PTPN3: variants seen among roughly 807,000 people sequenced by gnomAD.
PTPN3 encodes protein tyrosine phosphatase non-receptor type 3, also known as tyrosine-protein phosphatase non-receptor type 3.
In PTPN3, 96 loss-of-function variants were observed where a neutral mutation model predicts 132.7. The observed-to-expected ratio is 0.72, with a 90% CI of 0.61 to 0.86. The LOEUF (loss-of-function observed/expected upper bound fraction) is 0.86, where lower values mean the gene tolerates loss of function less well. PTPN3 is among the 40% of genes least tolerant of loss of function. The probability of loss-of-function intolerance (pLI) is 0.00; values close to 1 mark genes in which losing one functional copy is unlikely to be tolerated. For missense variants in PTPN3, 1,125 were observed against 1,159.6 expected (o/e 0.97, Z 0.43); for synonymous variants, 398 against 429.0 (o/e 0.93, Z 0.89).
At chr9:109,416,005 G>A (rs1355063973) in intron 14 of PTPN3, among the ~76,000 whole-genome samples, 7 of 152,212 alleles carry the variant, frequency 4.6e-5, no homozygotes, top group African/African-American at 1.7e-4. Context: ...TGTCCTCCGA[G>A]GGGGACATGT....
At chr9:109,508,162 CTCTTT>C in the PTPN3 span, among the ~76,000 whole-genome samples, 3 of 96,942 alleles carry the variant, frequency 3.1e-5, no homozygotes, top group Admixed American at 1.3e-4. Context: ...GTTTCTCTCT[CTCTTT>C]TTTTTTTTTT....
chr9:109,508,209 G>A, the PTPN3 span, among the ~76,000 whole-genome samples: 16 of 151,142 alleles, frequency 1.1e-4, no homozygotes, highest in Admixed American at 9.9e-4. Flanking sequence ...CACCCAGGCT[G>A]GAGTGCAGCG....
chr9:109,399,650 T>A (rs553040552), intron 19 of PTPN3, among the ~76,000 whole-genome samples: 1 of 150,532 alleles, frequency 6.6e-6, no homozygotes, highest in African/African-American at 2.5e-5. Context: ...ATAAAGGGAA[T>A]TCCCTTTATG....
chr9:109,422,121 A>G (rs1842924301), intron 13 of PTPN3, among the ~76,000 whole-genome samples: 1 of 148,096 alleles, frequency 6.8e-6, no homozygotes, highest in Non-Finnish European at 1.5e-5. Flanking sequence ...TACAGAGGTA[A>G]AGAAACTTGT....
At chr9:109,510,568 AAAAAAAAAATAT>A in the PTPN3 span, among the ~76,000 whole-genome samples, 2,257 of 36,128 alleles carry the variant, frequency 0.062, 124 homozygotes, top group Admixed American at 0.11. Context: ...TAAAAAAAAA[AAAAAAAAAATAT>A]ATATATATAT....
chr9:109,526,198 G>T, the PTPN3 span, among the ~76,000 whole-genome samples: 1 of 152,118 alleles, frequency 6.6e-6, no homozygotes, highest in African/African-American at 2.4e-5. Flanking sequence ...ATAAAGCATT[G>T]CTGAGAGAAA....
At chr9:109,477,997 G>A (rs182087414) in intron 1 of PTPN3, among the ~76,000 whole-genome samples, 41 of 152,328 alleles carry the variant, frequency 2.7e-4, no homozygotes, top group Admixed American at 2.2e-3. Flanking sequence ...ACAAGGGGGC[G>A]GCAACCTGGG....
chr9:109,425,289 G>A (rs1357837696), intron 12 of PTPN3, among the ~76,000 whole-genome samples: 1 of 152,212 alleles, frequency 6.6e-6, no homozygotes, highest in Non-Finnish European at 1.5e-5. Flanking sequence ...TATTAGGAAA[G>A]TAACTGGAAC....
Position 109,428,666 on chromosome 9 carries a change from A to C in PTPN3, c.783T>G (p.Ile261Met), listed in dbSNP as rs1843450382. 6.2e-7 allele frequency: 1 copy of C among 1,613,658 alleles called. No individual in the cohort carries two copies. The highest frequency in any genetic ancestry group is 8.5e-7 in the Non-Finnish European group (1 of 1,179,870). Residue 261 changes from isoleucine (I) to methionine (M), a missense_variant, in exon 11 of 26, where the codon ATT becomes ATG. Physicochemically the swap from Ile to Met is conservative, Grantham distance 10. Coordinates refer to ENST00000374541, the MANE Select transcript of PTPN3 (RefSeq NM_002829.4). ...SFYPWVNILK[I>M]SFKRKKFFIH... ...TGAAGAACTTTTTCCTTTTGAAAGA[A>C]ATTTTGAGAATGTTCACCCTTCAAA...
chr9:109,467,040 C>A (rs1405355386), intron 1 of PTPN3, among the ~76,000 whole-genome samples: 1 of 152,064 alleles, frequency 6.6e-6, no homozygotes, highest in South Asian at 2.1e-4. Context: ...TTCCTGGGAC[C>A]AGCAGTGCAA....
chr9:109,423,977 G>T (rs1352706438), intron 12 of PTPN3, among the ~76,000 whole-genome samples: 1 of 152,150 alleles, frequency 6.6e-6, no homozygotes, highest in African/African-American at 2.4e-5. Flanking sequence ...AAATGCTGTT[G>T]TCACCCTGAT....
chr9:109,490,820 G>A (rs558828429), intron 1 of PTPN3, among the ~76,000 whole-genome samples: 10 of 151,004 alleles, frequency 6.6e-5, no homozygotes, highest in African/African-American at 2.2e-4. Context: ...GGAAACTAAC[G>A]AGACATGACA....
At chr9:109,478,169 G>A (rs1380128348) in intron 1 of PTPN3, among the ~76,000 whole-genome samples, 16 of 152,208 alleles carry the variant, frequency 1.1e-4, no homozygotes, top group Admixed American at 1.0e-3. Flanking sequence ...GAACCTTGGA[G>A]GGGAAGGAGA....
chr9:109,450,633 T>A (rs1845185615), intron 5 of PTPN3: 4 of 985,134 alleles, frequency 4.1e-6, no homozygotes, highest in African/African-American at 1.7e-5. Context: ...AGGAGCCTAG[T>A]TTTGAGATTG....
At chr9:109,530,276 C>T in the PTPN3 span, among the ~76,000 whole-genome samples, 1 of 152,180 alleles carries the variant, frequency 6.6e-6, no homozygotes, top group Non-Finnish European at 1.5e-5. Flanking sequence ...AACCACCATT[C>T]TATCTTCTGT....
At chr9:109,503,345 C>T in the PTPN3 span, among the ~76,000 whole-genome samples, 18 of 152,202 alleles carry the variant, frequency 1.2e-4, no homozygotes, top group African/African-American at 3.9e-4. Context: ...TTCTAAGGCT[C>T]CTGGACTCGA....
At chr9:109,437,139 C>G (rs960922881) in intron 8 of PTPN3, among the ~76,000 whole-genome samples, 169 bp from the exon 9 acceptor site, 1 of 148,984 alleles carries the variant, frequency 6.7e-6, no homozygotes, top group Non-Finnish European at 1.5e-5. Context: ...AGTTTTTATT[C>G]TTATCCATTG....
At chr9:109,490,600 G>C (rs1010221483) in intron 1 of PTPN3, among the ~76,000 whole-genome samples, 2 of 151,986 alleles carry the variant, frequency 1.3e-5, no homozygotes, top group African/African-American at 4.8e-5. Context: ...TTAGCCGGGC[G>C]TGGTGGCACA....
At chr9:109,498,882 G>A (rs1847804031), upstream of PTPN3, among the ~76,000 whole-genome samples, 1 of 152,116 alleles carries the variant, frequency 6.6e-6, no homozygotes, top group African/African-American at 2.4e-5. This position sits in a 1 kb window ranked among gnomAD's most constrained non-coding sequence, Gnocchi z 4.2. Context: ...TCCCTCTGTG[G>A]GACGTTCTTG....
Sources: allele counts gnomAD v4.1 joint callset (sites outside exome capture counted in the v4.1 genomes callset), GRCh38; gene constraint gnomAD v4.1.1; non-coding constraint Gnocchi (gnomAD v3.1); transcripts MANE v1.5; gene names NCBI Gene and HGNC (gene_info 2026-07-23, HGNC 2026-07-21).